The following DENND1A variants were observed in gnomAD, a reference collection of about 807,000 sequenced individuals.
The protein encoded by DENND1A is DENN domain containing 1A.
DENND1A carries 51 observed loss-of-function variants against 113.7 expected under a neutral mutation model. The ratio of observed to expected loss-of-function variants is 0.45; its 90% CI spans 0.36 to 0.57. The LOEUF (loss-of-function observed/expected upper bound fraction) is 0.57, where lower values mean the gene tolerates loss of function less well. Among genes scored for constraint, DENND1A ranks in the 20% least tolerant of loss-of-function variants. DENND1A has a pLI of 0.00. For synonymous variants in DENND1A, 565 were observed against 570.8 expected, an observed-to-expected ratio of 0.99 and a Z score of 0.14; for missense variants, 1,258 against 1,395.9, an observed-to-expected ratio of 0.90 and a Z score of 1.57.
Position 123,887,687 on chromosome 9 carries a change from G to C in DENND1A, c.18-8666C>G, listed in dbSNP as rs1849296445. On this transcript the variant is annotated intron_variant, in intron 1 of 23. Transcript: ENST00000394215. Reference sequence around the variant, plus strand: ...TGGGAGTCAGAGTCCAAGCAGGGCAGTGGGGCAGGAGGTGTGGAGAACCAC... The same window carrying C: ...TGGGAGTCAGAGTCCAAGCAGGGCACTGGGGCAGGAGGTGTGGAGAACCAC... Among the ~76,000 whole-genome samples the C allele has an allele frequency of 2.0e-5, 3 of 151,912 alleles. No homozygotes were observed. The South Asian group carries it at 6.3e-4, about 32-fold the overall frequency.
At chr9:123,845,569 C>T (rs1030189704) in intron 2 of DENND1A, among the ~76,000 whole-genome samples, 8 of 145,022 alleles carry the variant, frequency 5.5e-5, no homozygotes, top group African/African-American at 7.7e-5. Context: ...ACTTGCAAAG[C>T]GGAGGTGGGA....
intron 19 of DENND1A, among the ~76,000 whole-genome samples, chr9:123,438,696 C>T (rs982176764): frequency 6.6e-6 from 1 of 152,166 alleles, no homozygotes; most frequent in African/African-American, 2.4e-5. Context: ...CTCCAGTTTG[C>T]AGACCTGTGA....
At chr9:123,564,980 C>CTTTTTTTTTTTTTTTTTTT (rs199613371) in intron 12 of DENND1A, among the ~76,000 whole-genome samples, 1 of 75,746 alleles carries the variant, frequency 1.3e-5, no homozygotes, top group African/African-American at 5.3e-5. Flanking sequence ...TCTGTCCCTT[C>CTTTTTTTTTTTTTTTTTTT]TTTTTTTTTT....
At chr9:123,435,021 G>A (rs1286582535) in intron 19 of DENND1A, among the ~76,000 whole-genome samples, 1 of 152,208 alleles carries the variant, frequency 6.6e-6, no homozygotes, top group Non-Finnish European at 1.5e-5. Context: ...GGGAGAAGGA[G>A]GGCGGAGCCT....
At chr9:123,457,170 C>T (rs2048188098) in intron 15 of DENND1A, among the ~76,000 whole-genome samples, 178 bp downstream of exon 15, 1 of 152,190 alleles carries the variant, frequency 6.6e-6, no homozygotes, top group Non-Finnish European at 1.5e-5. Context: ...TTCATATGGG[C>T]CAGGGTGCAT....
At chr9:123,507,762 T>C (rs1029336426) in intron 13 of DENND1A, among the ~76,000 whole-genome samples, 3 of 151,332 alleles carry the variant, frequency 2.0e-5, no homozygotes, top group Non-Finnish European at 4.4e-5. Context: ...GGGCTGAGGC[T>C]GTAGTGAGCC....
Position 123,557,638 on chromosome 9 carries a change from C to A in DENND1A, c.925G>T (p.Ala309Ser), listed in dbSNP as rs750645781. ...GCCTGGGCCTTGAGGAACGCTCTGG[C>A]CACACCATCCCCAGTGGTTGTGGAG... ...KVSTTTGDGV[A>S]RAFLKAQAAF... Residue 309 changes from alanine (A) to serine (S), a missense_variant, in exon 13 of 24, where the codon GCC (alanine) becomes TCC (serine). Ala to Ser is a moderately conservative substitution (Grantham distance 99, BLOSUM62 1). Transcript: ENST00000394215. The A allele has an allele frequency of 1.2e-5, 19 of 1,614,038 alleles. No individual in the cohort carries two copies. In the Admixed American group the frequency reaches 3.2e-4, roughly 27 times the overall value.
At chr9:123,452,445 A>G (rs1405658491) in intron 16 of DENND1A, 98 bp from the exon 17 acceptor site, 9 of 967,792 alleles carry the variant, frequency 9.3e-6, no homozygotes, top group African/African-American at 1.6e-5. Context: ...CAACATTTCA[A>G]AGGTATGTAA....
intron 13 of DENND1A, among the ~76,000 whole-genome samples, chr9:123,488,789 A>T (rs997990440): frequency 2.0e-5 from 3 of 152,240 alleles, no homozygotes; most frequent in African/African-American, 7.2e-5. Context: ...AAACCGAGAT[A>T]AAGTGAGTAT....
chr9:123,667,918 C>T (rs1464908026), intron 7 of DENND1A, among the ~76,000 whole-genome samples: 7 of 152,070 alleles, frequency 4.6e-5, no homozygotes, highest in African/African-American at 1.4e-4. Context: ...AGAAATTCTG[C>T]CCCCGAAGCC....
intron 1 of DENND1A, among the ~76,000 whole-genome samples, chr9:123,915,834 T>C (rs1854998458): frequency 6.6e-6 from 1 of 152,200 alleles, no homozygotes; most frequent in African/African-American, 2.4e-5. Context: ...TGACCATATA[T>C]GTTTGTAACT....
chr9:123,439,811 G>A (rs1033860619), intron 19 of DENND1A: 4 of 151,728 alleles, frequency 2.6e-5, no homozygotes, highest in Non-Finnish European at 4.4e-5. Context: ...TTTACTTAAG[G>A]GAAAAAAAAT....
chr9:123,829,485 T>C (rs1323214911), intron 2 of DENND1A, among the ~76,000 whole-genome samples: 1 of 151,622 alleles, frequency 6.6e-6, no homozygotes, highest in Non-Finnish European at 1.5e-5. Flanking sequence ...CAACAGATAA[T>C]GCCTTAAGAG....
chr9:123,810,989 C>A (rs1345195028), intron 2 of DENND1A, among the ~76,000 whole-genome samples: 1 of 151,856 alleles, frequency 6.6e-6, no homozygotes, highest in Non-Finnish European at 1.5e-5. Flanking sequence ...GATCCCCTGA[C>A]CTCAGGTGAT....
intron 6 of DENND1A, among the ~76,000 whole-genome samples, chr9:123,675,456 T>C (rs2064020152): frequency 1.3e-5 from 2 of 152,182 alleles, no homozygotes; most frequent in Non-Finnish European, 1.5e-5. Flanking sequence ...TGGACCCCAG[T>C]GTGGCTGAAC....
At chr9:123,905,133 A>C (rs1472420573) in intron 1 of DENND1A, among the ~76,000 whole-genome samples, 6 of 151,636 alleles carry the variant, frequency 4.0e-5, no homozygotes, top group Non-Finnish European at 7.4e-5. Context: ...GGAGAAATAA[A>C]ATACTTTACA....
intron 5 of DENND1A, among the ~76,000 whole-genome samples, chr9:123,737,171 T>G (rs1482152842): frequency 6.6e-6 from 1 of 152,168 alleles, no homozygotes; most frequent in Non-Finnish European, 1.5e-5. Flanking sequence ...ATTTAACCTT[T>G]AATTCAACTC....
intron 5 of DENND1A, among the ~76,000 whole-genome samples, chr9:123,695,932 A>C (rs2065483166): frequency 6.6e-6 from 1 of 151,776 alleles, no homozygotes; most frequent in African/African-American, 2.4e-5. Context: ...TGCCCAAAAA[A>C]GGCAAACTGA....
chr9:123,924,291 G>C lies in DENND1A; in HGVS notation c.17+5598C>G, dbSNP rs1856731960. ...GAATGAGGAGTGTCTAACAGGCATG[G>C]GGTTTCTTTCTGGGGTGATGAAAAA... On this transcript the variant is annotated intron_variant, in intron 1 of 23. Coordinates refer to ENST00000394215, the MANE Select transcript of DENND1A (RefSeq NM_001352964.2). Among the ~76,000 whole-genome samples the C allele has an allele frequency of 4.6e-5, 7 of 152,274 alleles. No homozygotes were observed. In the South Asian group the frequency reaches 1.5e-3, roughly 32 times the overall value.
Sources: allele counts gnomAD v4.1 joint callset (sites outside exome capture counted in the v4.1 genomes callset), GRCh38; gene constraint gnomAD v4.1.1; transcripts MANE v1.5; gene names NCBI Gene and HGNC (gene_info 2026-07-23, HGNC 2026-07-21).